Variants in TUBGCP3 observed in about 807,000 individuals in gnomAD.
TUBGCP3 encodes the protein gamma-tubulin complex component 3.
TUBGCP3 carries 50 observed loss-of-function variants against 123.1 expected under a neutral mutation model. The ratio of observed to expected loss-of-function variants is 0.41; its 90% CI spans 0.32 to 0.51. TUBGCP3 has a LOEUF of 0.51. Ranked by LOEUF, TUBGCP3 falls within the 20% of genes least tolerant of loss-of-function variation. The pLI is 0.36. For missense variants in TUBGCP3, 882 were observed against 1,127.0 expected (o/e 0.78, Z 3.11); for synonymous variants, 405 against 413.9 (o/e 0.98, Z 0.26).
At chr13:112,570,782 T>G (rs1238987342) in intron 1 of TUBGCP3, among the ~76,000 whole-genome samples, 1 of 152,234 alleles carries the variant, frequency 6.6e-6, no homozygotes, top group Non-Finnish European at 1.5e-5. Context: ...TAGAACTTCT[T>G]TCGAAACAGA....
At chr13:112,531,528 G>T (rs1243494374) in intron 11 of TUBGCP3, among the ~76,000 whole-genome samples, 1 of 152,288 alleles carries the variant, frequency 6.6e-6, no homozygotes, top group African/African-American at 2.4e-5. Context: ...CATATAAATT[G>T]TATGTCTGTT....
chr13:112,555,034 T>G, intron 6 of TUBGCP3, 29 bp from the exon 7 acceptor site: 1 of 1,367,448 alleles, frequency 7.3e-7, no homozygotes, highest in Admixed American at 2.0e-5. Context: ...AAGACAGTAA[T>G]TACTAGACAA....
At chr13:112,506,903 G>A (rs1346140891) in intron 17 of TUBGCP3, among the ~76,000 whole-genome samples, 1 of 152,136 alleles carries the variant, frequency 6.6e-6, no homozygotes, top group Non-Finnish European at 1.5e-5. Flanking sequence ...AGGTTTTAAC[G>A]CAGAGCTCAA....
chr13:112,535,426 A>G (rs1877963643), intron 11 of TUBGCP3, among the ~76,000 whole-genome samples: 1 of 152,198 alleles, frequency 6.6e-6, no homozygotes, highest in South Asian at 2.1e-4. Flanking sequence ...GCAGTTCCCA[A>G]TTTCTCCAAA....
chr13:112,528,382 C>T lies in TUBGCP3; in HGVS notation c.1336-898G>A, dbSNP rs529601149. On this transcript the variant is annotated intron_variant, in intron 11 of 21. Coordinates refer to ENST00000261965, the MANE Select transcript of TUBGCP3 (RefSeq NM_006322.6). ...ACTGACGCTCCCACGGGCAAGATGT[C>T]CTGTTTTTGCATCCTGGCTCATTTT... Among the ~76,000 whole-genome samples the T allele has an allele frequency of 5.3e-5, 8 of 152,258 alleles. No homozygotes were observed. In the South Asian group the frequency reaches 1.7e-3, roughly 32 times the overall value.
At chr13:112,593,875 T>C in the TUBGCP3 span, among the ~76,000 whole-genome samples, 1 of 152,068 alleles carries the variant, frequency 6.6e-6, no homozygotes, top group Non-Finnish European at 1.5e-5. Context: ...CAAGGGTCCA[T>C]GGTGAAACTA....
chr13:112,558,056 C>T (rs1218951252), intron 5 of TUBGCP3, 140 bp downstream of exon 5: 5 of 887,396 alleles, frequency 5.6e-6, no homozygotes, highest in East Asian at 2.7e-5. Flanking sequence ...TGGAGTGCAT[C>T]GGACACAGTG....
At chr13:112,562,299 G>T (rs1479536587) in intron 3 of TUBGCP3, among the ~76,000 whole-genome samples, 1 of 152,050 alleles carries the variant, frequency 6.6e-6, no homozygotes, top group Non-Finnish European at 1.5e-5. Context: ...ACCTACTAGG[G>T]AACACCACCA....
Position 112,511,279 on chromosome 13 carries a change from C to T in TUBGCP3, c.2086+5161G>A, listed in dbSNP as rs569015610. Among the ~76,000 whole-genome samples the T allele has an allele frequency of 6.6e-6, 1 of 152,286 alleles. No individual in the cohort carries two copies. The highest frequency in any genetic ancestry group is 2.4e-5 in the African/African-American group (1 of 41,568). On this transcript the variant is annotated intron_variant, in intron 17 of 21. Coordinates refer to ENST00000261965, the MANE Select transcript of TUBGCP3 (RefSeq NM_006322.6). This position sits in a 1 kb window ranked among gnomAD's most constrained non-coding sequence, Gnocchi z 4.1. ...TGCTGGCCCGCGGGCACCTGCCTTT[C>T]CTGGTAAGATAAAATCTGCGGTGCT...
chr13:112,530,669 C>T (rs954176927), intron 11 of TUBGCP3, among the ~76,000 whole-genome samples: 6 of 151,996 alleles, frequency 3.9e-5, no homozygotes, highest in African/African-American at 9.7e-5. Flanking sequence ...ATCCATGGGA[C>T]GATTATATTC....
intron 17 of TUBGCP3, among the ~76,000 whole-genome samples, chr13:112,507,462 A>T (rs1351512233): frequency 6.6e-6 from 1 of 152,242 alleles, no homozygotes; most frequent in East Asian, 1.9e-4. Context: ...ACTTCACCTG[A>T]AAGTTTACCG....
intron 11 of TUBGCP3, among the ~76,000 whole-genome samples, chr13:112,527,982 A>C (rs1594148062): frequency 6.6e-6 from 1 of 152,138 alleles, no homozygotes; most frequent in African/African-American, 2.4e-5. Flanking sequence ...CTGTACATGT[A>C]CCCATGTGTA....
rs1036493147 is a variant in TUBGCP3 at position 112,511,204 on chromosome 13, C to T, written c.2086+5236G>A. 2.0e-5 allele frequency among the ~76,000 whole-genome samples: 3 copies of T among 152,190 alleles called. No individual in the cohort carries two copies. Among genetic ancestry groups the T allele is most frequent in the Admixed American group, 6.5e-5 (1 of 15,280 alleles). The stretch of plus-strand genomic sequence containing the variant: ...CAGACACCCTGACCACAGTCCTGTG[C>T]GGGAAACACCCTCTGAACCCACCGC... On this transcript the variant is annotated intron_variant, in intron 17 of 21. Coordinates refer to ENST00000261965, the MANE Select transcript of TUBGCP3 (RefSeq NM_006322.6). This position sits in a 1 kb window ranked among gnomAD's most constrained non-coding sequence, Gnocchi z 4.1.
chr13:112,570,970 A>G (rs115972235), intron 1 of TUBGCP3, among the ~76,000 whole-genome samples: 460 of 152,356 alleles, frequency 3.0e-3, no homozygotes, highest in African/African-American at 0.01. Flanking sequence ...ACATTTTATC[A>G]TGAGATTGTG....
chr13:112,579,495 G>A lies in TUBGCP3; in HGVS notation c.76+8410C>T, dbSNP rs577895078. On this transcript the variant is annotated intron_variant, in intron 1 of 21. Coordinates refer to ENST00000261965, the MANE Select transcript of TUBGCP3 (RefSeq NM_006322.6). ...GGGCCACGGCATCCCCGGAGCTCTC[G>A]CACACTGCTGAGTGTCAGGGGGCCA... is the stretch of plus-strand genomic sequence containing the variant. Among the ~76,000 whole-genome samples, 202 of 122,222 alleles carry A rather than the reference G, an allele frequency of 1.7e-3. 1 individual carries two copies. The highest frequency in any genetic ancestry group is 5.9e-3 in the Admixed American group (69 of 11,764). 80.2% of individuals were successfully genotyped at this position (122,222 alleles called of 152,430 possible).
At chr13:112,555,344 C>G (rs993881908) in intron 6 of TUBGCP3, among the ~76,000 whole-genome samples, 1 of 152,150 alleles carries the variant, frequency 6.6e-6, no homozygotes, top group African/African-American at 2.4e-5. Flanking sequence ...CCAGGATGTC[C>G]TCCAGCTCTC....
intron 6 of TUBGCP3, 133 bp downstream of exon 6, chr13:112,555,919 G>T: frequency 9.5e-7 from 1 of 1,053,390 alleles, no homozygotes; most frequent in Non-Finnish European, 1.3e-6. Context: ...CAGGGACTCT[G>T]GACTTCATCA....
chr13:112,551,810 C>T (rs532253001), intron 8 of TUBGCP3, among the ~76,000 whole-genome samples: 1 of 152,158 alleles, frequency 6.6e-6, no homozygotes, highest in East Asian at 1.9e-4. Flanking sequence ...GTACTATAAA[C>T]AGCAGTCCCC....
rs552830313 is a variant in TUBGCP3, at chr13:112,495,163, C to G, written c.2448+3882G>C. Reference sequence around the variant, plus strand: ...AGACCAATGTCCTAGAGTTTCCCCCCAGTGTTTTCCATTAGTATTTCCATA... The same window carrying G: ...AGACCAATGTCCTAGAGTTTCCCCCGAGTGTTTTCCATTAGTATTTCCATA... On this transcript the variant is annotated intron_variant, in intron 20 of 21. Coordinates refer to ENST00000261965, the MANE Select transcript of TUBGCP3 (RefSeq NM_006322.6). Among the ~76,000 whole-genome samples the G allele has an allele frequency of 2.0e-4, 31 of 152,304 alleles. No homozygotes were observed. The South Asian group carries it at 6.2e-3, about 31-fold the overall frequency.
Sources: allele counts gnomAD v4.1 joint callset (sites outside exome capture counted in the v4.1 genomes callset), GRCh38; gene constraint gnomAD v4.1.1; non-coding constraint Gnocchi (gnomAD v3.1); transcripts MANE v1.5; gene names NCBI Gene and HGNC (gene_info 2026-07-23, HGNC 2026-07-21).